Variants in TMEM127 observed in about 807,000 individuals in gnomAD.
TMEM127 encodes the protein transmembrane protein 127.
In TMEM127, 21 loss-of-function variants were observed where a neutral mutation model predicts 20.1. The ratio of observed to expected loss-of-function variants is 1.04; its 90% CI spans 0.74 to 1.50. The LOEUF is 1.50. Ranked by LOEUF, TMEM127 falls within the 40% of genes most tolerant of loss-of-function variation. The pLI is 0.00. For synonymous variants in TMEM127, 150 were observed against 144.7 expected (o/e 1.04, Z -0.26); for missense variants, 303 against 317.4 (o/e 0.95, Z 0.34).
intron 2 of TMEM127, 123 bp from the exon 3 acceptor site, chr2:96,255,120 CTG>C: frequency 7.4e-7 from 1 of 1,356,646 alleles, no homozygotes; most frequent in East Asian, 2.5e-5. Flanking sequence ...CTGGAGGACG[CTG>C]TCTTAGCCCC....
At chr2:96,264,413 G>A (rs954651668) in intron 2 of TMEM127, among the ~76,000 whole-genome samples, 1 of 152,158 alleles carries the variant, frequency 6.6e-6, no homozygotes, top group Non-Finnish European at 1.5e-5. Flanking sequence ...GACTGTTTGG[G>A]GTACATTGAT....
In TMEM127 at chr2:96,254,062, A is replaced by C; in HGVS notation, c.463T>G (p.Leu155Val). 1 of 1,614,178 alleles carries C rather than the reference A, an allele frequency of 6.2e-7. No individual in the cohort carries two copies. The highest frequency in any genetic ancestry group is 8.5e-7 in the Non-Finnish European group (1 of 1,180,030). The change falls in exon 4 of 4, where the codon TTG (leucine) becomes GTG (valine). Residue 155 changes from leucine (L) to valine (V), a missense_variant. Leu to Val is a conservative substitution (Grantham distance 32). Coordinates refer to ENST00000258439, the MANE Select transcript of TMEM127 (RefSeq NM_017849.4). ...GFSYWASELI[L>V]AQQQQHKKYH... Reference sequence around the variant, plus strand: ...TTCTTATGCTGCTGCTGCTGGGCCAAGATGAGTTCAGAAGCCCAATAAGAA... The same window carrying C: ...TTCTTATGCTGCTGCTGCTGGGCCACGATGAGTTCAGAAGCCCAATAAGAA...
Position 96,248,762 on chromosome 2 carries a change from A to G in TMEM127, c.*5046T>C, listed in dbSNP as rs1472954905. On this transcript the variant is annotated 3_prime_UTR_variant, in exon 4 of 4. Coordinates refer to ENST00000258439, the MANE Select transcript of TMEM127 (RefSeq NM_017849.4). ...GAACCTTCCAAACAGGGCAGCCTGC[A>G]GGCCCTGCACCTTCAGGCCCCATTC... 8.6e-6 allele frequency: 2 copies of G among 231,234 alleles called. No homozygotes were observed. The highest frequency in any genetic ancestry group is 8.6e-6 in the Non-Finnish European group (1 of 116,822). 14.3% of individuals were successfully genotyped at this position (231,234 alleles called of 1,614,324 possible). A position where few individuals can be genotyped will look rare whatever the true frequency, so the allele number is the denominator to read the frequency against.
Position 96,249,921 on chromosome 2 carries a change from G to A in TMEM127, c.*3887C>T, listed in dbSNP as rs547924042. ...TCACATCCCATGGCTTCTCGTGTGC[G>A]GGCCCCTCTTCGCCTGTGCAGTTGA... On this transcript the variant is annotated 3_prime_UTR_variant, in exon 4 of 4. Transcript: ENST00000258439. 3.4e-5 allele frequency: 8 copies of A among 233,168 alleles called. No homozygotes were observed. Among genetic ancestry groups the A allele is most frequent in the African/African-American group, 1.5e-4 (7 of 45,426 alleles). The allele number at this position is 233,168 out of a possible 1,614,324, so 14.4% of individuals were successfully genotyped here. A position where few individuals can be genotyped will look rare whatever the true frequency, so the allele number is the denominator to read the frequency against.
At chr2:96,256,997 G>A (rs769276198) in intron 2 of TMEM127, among the ~76,000 whole-genome samples, 6 of 152,176 alleles carry the variant, frequency 3.9e-5, no homozygotes, top group East Asian at 1.9e-4. Flanking sequence ...ACGTGCACAC[G>A]TCAAGGGCAT....
rs1185710605 is a variant in TMEM127, at chr2:96,256,011, G to A, written c.245-1014C>T. 5.9e-5 allele frequency among the ~76,000 whole-genome samples: 9 copies of A among 151,948 alleles called. No homozygotes were observed. In the East Asian group the frequency reaches 1.2e-3, roughly 20 times the overall value. Reference sequence around the variant, plus strand: ...ATATTGGCCAGGCATGGTAGCTCACGCCTGTAATCCCAGCTCTTTGGGAGG... The same window carrying A: ...ATATTGGCCAGGCATGGTAGCTCACACCTGTAATCCCAGCTCTTTGGGAGG... On this transcript the variant is annotated intron_variant, in intron 2 of 3. Coordinates refer to ENST00000258439, the MANE Select transcript of TMEM127 (RefSeq NM_017849.4).
intron 3 of TMEM127, among the ~76,000 whole-genome samples, chr2:96,254,379 C>T (rs988162861): frequency 1.3e-5 from 2 of 152,258 alleles, no homozygotes; most frequent in Admixed American, 6.5e-5. Context: ...GGAGTAGGCA[C>T]ACCACAATTC....
rs973218710 is a variant in TMEM127, at chr2:96,265,391, C to A, written c.-10G>T. 1.7e-5 allele frequency: 23 copies of A among 1,367,790 alleles called. No individual in the cohort carries two copies. The highest frequency in any genetic ancestry group is 6.1e-5 in the East Asian group (2 of 32,746). 84.7% of individuals were successfully genotyped at this position (1,367,790 alleles called of 1,614,324 possible). On this transcript the variant is annotated 5_prime_UTR_variant, in exon 2 of 4. Coordinates refer to ENST00000258439, the MANE Select transcript of TMEM127 (RefSeq NM_017849.4). Reference sequence around the variant, plus strand: ...CTCCGGGGGCGTACATGCCCGGGGCCGCCCGCCGTCGCTCCGCAGTCGCTG... The same window carrying A: ...CTCCGGGGGCGTACATGCCCGGGGCAGCCCGCCGTCGCTCCGCAGTCGCTG...
rs1173289296 is a variant in TMEM127, at chr2:96,253,601, G to T, written c.*207C>A. On this transcript the variant is annotated 3_prime_UTR_variant, in exon 4 of 4. Transcript: ENST00000258439. This position sits in a 1 kb window ranked among gnomAD's most constrained non-coding sequence, Gnocchi z 4.3. The stretch of plus-strand genomic sequence containing the variant: ...GGCAGGATGTGGCAGGAGGGAAAGA[G>T]TACATTATAGAAAACCAGTGGACCT... The T allele has an allele frequency of 1.7e-6, 1 of 603,836 alleles. No homozygotes were observed. The highest frequency in any genetic ancestry group is 3.0e-5 in the Admixed American group (1 of 33,478). 37.4% of individuals were successfully genotyped at this position (603,836 alleles called of 1,614,324 possible).
rs1318624984 is a variant in TMEM127, at chr2:96,265,548, AC to A, written c.-131-37del. The stretch of plus-strand genomic sequence containing the variant: ...TGACACCAGAGGATAGGGGGGTGGG[AC>A]CCGGGGCTGACGGAGACGGGGAGGG... On this transcript the variant is annotated intron_variant, in intron 1 of 3. Transcript: ENST00000258439. 1.1e-5 allele frequency: 10 copies of A among 898,670 alleles called. No individual in the cohort carries two copies. In the Admixed American group the frequency reaches 2.2e-4, roughly 20 times the overall value. 55.7% of individuals were successfully genotyped at this position (898,670 alleles called of 1,614,324 possible). A position where few individuals can be genotyped will look rare whatever the true frequency, so the allele number is the denominator to read the frequency against.
chr2:96,254,109 TGCAG>T lies in TMEM127; in HGVS notation c.412_415del (p.Leu138SerfsTer168). ...AGAAAAGCCAATGACGGTGGCACACTGCAGAACTAGGAGACAGAGGGACAGCACA... is the reference window on the plus strand; with the variant it reads ...AGAAAAGCCAATGACGGTGGCACACTAACTAGGAGACAGAGGGACAGCACA... On this transcript the variant is annotated frameshift_variant and splice_region_variant, in exon 4 of 4. Transcript: ENST00000258439. LOFTEE classifies it high-confidence loss of function. 6.2e-7 allele frequency: 1 copy of T among 1,613,890 alleles called. No individual in the cohort carries two copies. Among genetic ancestry groups the T allele is most frequent in the South Asian group, 1.1e-5 (1 of 91,074 alleles).
intron 3 of TMEM127, 119 bp from the exon 4 acceptor site, chr2:96,254,234 C>A: frequency 7.5e-7 from 1 of 1,335,486 alleles, no homozygotes; most frequent in Non-Finnish European, 1.0e-6. Context: ...CTGCCTGGCC[C>A]CAGACTCTGC....
rs910910368 is a variant in TMEM127, at chr2:96,258,742, T to G, written c.245-3745A>C. Among the ~76,000 whole-genome samples, 3 of 152,214 alleles carry G rather than the reference T, an allele frequency of 2.0e-5. No individual in the cohort carries two copies. In the East Asian group the frequency reaches 5.8e-4, roughly 29 times the overall value. ...TAGGAGACAGGGGCTATCTCCTGGCTGTATTTTAAATCTTATTAAAAGCTA... is the reference window on the plus strand; with the variant it reads ...TAGGAGACAGGGGCTATCTCCTGGCGGTATTTTAAATCTTATTAAAAGCTA... On this transcript the variant is annotated intron_variant, in intron 2 of 3. Coordinates refer to ENST00000258439, the MANE Select transcript of TMEM127 (RefSeq NM_017849.4).
chr2:96,254,447 G>A lies in TMEM127; in HGVS notation c.410-332C>T, dbSNP rs144222954. 7.1e-3 allele frequency among the ~76,000 whole-genome samples: 1,078 copies of A among 152,288 alleles called. 14 individuals carry two copies. The highest frequency in any genetic ancestry group is 0.024 in the African/African-American group (998 of 41,554). On this transcript the variant is annotated intron_variant, in intron 3 of 3. Transcript: ENST00000258439. ...ACAGCAGCTACATACAAGAAAAGGC[G>A]GGTCTGTAGGGAAGCAGGAAGGTGG...
At position 96,252,327 on chromosome 2, in the gene TMEM127, T is replaced by C. The variant is rs1200977784; in HGVS notation, c.*1481A>G. The C allele has an allele frequency of 4.3e-6, 1 of 232,960 alleles. No individual in the cohort carries two copies. Among genetic ancestry groups the C allele is most frequent in the South Asian group, 1.8e-4 (1 of 5,538 alleles). 14.4% of individuals were successfully genotyped at this position (232,960 alleles called of 1,614,324 possible). On this transcript the variant is annotated 3_prime_UTR_variant, in exon 4 of 4. Coordinates refer to ENST00000258439, the MANE Select transcript of TMEM127 (RefSeq NM_017849.4). The surrounding 1 kb of genome is among the most constrained non-coding windows in gnomAD (Gnocchi z 4.2). ...TTGGAAGAGATTGGAATCCATTTCC[T>C]TTTCAGCTCAGCAGGGGACACTGAT...
At chr2:96,261,488 C>G (rs1210029551) in intron 2 of TMEM127, among the ~76,000 whole-genome samples, 1 of 152,178 alleles carries the variant, frequency 6.6e-6, no homozygotes, top group East Asian at 1.9e-4. Flanking sequence ...TTGGCTAAAG[C>G]CTCTGAAGCT....
chr2:96,262,132 A>G (rs1573975472), intron 2 of TMEM127, among the ~76,000 whole-genome samples: 1 of 152,100 alleles, frequency 6.6e-6, no homozygotes, highest in African/African-American at 2.4e-5. Context: ...ATGGTGGAGC[A>G]CCTGTAATTC....
chr2:96,265,401 C>T lies in TMEM127; in HGVS notation c.-20G>A. The T allele has an allele frequency of 7.4e-7, 1 of 1,359,556 alleles. No individual in the cohort carries two copies. The allele number at this position is 1,359,556 out of a possible 1,614,324, so 84.2% of individuals were successfully genotyped here. A position where few individuals can be genotyped will look rare whatever the true frequency, so the allele number is the denominator to read the frequency against. ...GTACATGCCCGGGGCCGCCCGCCGT[C>T]GCTCCGCAGTCGCTGCTGGTCGCCG... On this transcript the variant is annotated 5_prime_UTR_variant, in exon 2 of 4. Coordinates refer to ENST00000258439, the MANE Select transcript of TMEM127 (RefSeq NM_017849.4).
At chr2:96,263,942 A>T (rs1410545711) in intron 2 of TMEM127, among the ~76,000 whole-genome samples, 2 of 152,208 alleles carry the variant, frequency 1.3e-5, no homozygotes, top group African/African-American at 4.8e-5. Flanking sequence ...AAAAGGCTGC[A>T]TATAAGGCCT....
Sources: allele counts gnomAD v4.1 joint callset (sites outside exome capture counted in the v4.1 genomes callset), GRCh38; gene constraint gnomAD v4.1.1; non-coding constraint Gnocchi (gnomAD v3.1); transcripts MANE v1.5; gene names NCBI Gene and HGNC (gene_info 2026-07-23, HGNC 2026-07-21).